The following SNTG2 variants were observed in gnomAD, a reference collection of about 807,000 sequenced individuals.
SNTG2 encodes the protein syntrophin gamma 2, also known as gamma-2-syntrophin.
Under a neutral mutation model 70.9 loss-of-function variants are expected in SNTG2, and 74 were observed. That is an observed-to-expected ratio of 1.04 (90% CI 0.86 to 1.27). The LOEUF (loss-of-function observed/expected upper bound fraction) is 1.27. Ranked by LOEUF, SNTG2 falls within the 50% of genes most tolerant of loss-of-function variation. The pLI, the probability that SNTG2 is intolerant of heterozygous loss-of-function variation, is 0.00. For synonymous variants in SNTG2, 278 were observed against 273.8 expected (o/e 1.02, Z -0.15); for missense variants, 717 against 690.7 (o/e 1.04, Z -0.43).
intron 15 of SNTG2, among the ~76,000 whole-genome samples, 199 bp downstream of exon 15, chr2:1,308,785 C>T (rs1351984861): frequency 6.6e-6 from 1 of 152,054 alleles, no homozygotes; most frequent in East Asian, 1.9e-4. Flanking sequence ...GGGTGTCTGG[C>T]CAATAGGATT....
intron 6 of SNTG2, among the ~76,000 whole-genome samples, chr2:1,148,314 T>C (rs28380583): frequency 0.94 from 142,494 of 152,136 alleles, 66,856 homozygotes; most frequent in Non-Finnish European, 0.97. Flanking sequence ...TCCTTATTTC[T>C]CACATGGAGA....
rs11433187 is a variant in SNTG2 at position 968,030 on chromosome 2, T to TAAA, written c.72+16972_72+16974dup. 4.8e-5 allele frequency among the ~76,000 whole-genome samples: 7 copies of TAAA among 145,512 alleles called. 1 individual carries two copies. In the South Asian group the frequency reaches 8.7e-4, roughly 18 times the overall value. ...ACAGAGCGAGACTCTGTCTCAAAAT[T>TAAA]AAAAAAAAAAAAGTGTCTTTTTATA... On this transcript the variant is annotated intron_variant, in intron 1 of 16. Coordinates refer to ENST00000308624, the MANE Select transcript of SNTG2 (RefSeq NM_018968.4).
At chr2:1,358,510 C>T (rs555827442) in intron 16 of SNTG2, among the ~76,000 whole-genome samples, 2 of 152,098 alleles carry the variant, frequency 1.3e-5, no homozygotes, top group African/African-American at 4.8e-5. Flanking sequence ...CCTCTTGGCA[C>T]TGTTTTTGCT....
At chr2:1,319,963 G>A (rs1194944125) in intron 16 of SNTG2, among the ~76,000 whole-genome samples, 19 of 152,206 alleles carry the variant, frequency 1.2e-4, no homozygotes, top group Admixed American at 1.2e-3. Flanking sequence ...GTTGTCTTAA[G>A]AAATAGGAAC....
intron 4 of SNTG2, among the ~76,000 whole-genome samples, chr2:1,114,172 C>T (rs940664582): frequency 1.4e-5 from 2 of 138,362 alleles, no homozygotes; most frequent in South Asian, 4.7e-4. Flanking sequence ...TGAGGAGGAT[C>T]GTGTGTAACT....
intron 1 of SNTG2, among the ~76,000 whole-genome samples, chr2:1,005,418 C>T (rs975587775): frequency 5.9e-5 from 9 of 151,744 alleles, no homozygotes; most frequent in African/African-American, 1.5e-4. Flanking sequence ...CATGTGGGGG[C>T]GGTGGGGGTA....
At chr2:1,355,594 A>T (rs965804928) in intron 16 of SNTG2, among the ~76,000 whole-genome samples, 4 of 152,096 alleles carry the variant, frequency 2.6e-5, no homozygotes, top group Middle Eastern at 6.3e-3. Context: ...CTGTTGACTG[A>T]TGTTTAGGCT....
chr2:967,956 C>T (rs751095999), intron 1 of SNTG2, among the ~76,000 whole-genome samples: 31 of 151,718 alleles, frequency 2.0e-4, no homozygotes, highest in African/African-American at 4.8e-4. Flanking sequence ...ACCCAGGAGA[C>T]GGAGGTTGCT....
intron 12 of SNTG2, among the ~76,000 whole-genome samples, chr2:1,251,542 T>C (rs879414692): frequency 1.9e-4 from 23 of 119,396 alleles, no homozygotes; most frequent in Non-Finnish European, 3.0e-4. Context: ...ACACATAACA[T>C]ATGCACACAC....
chr2:1,294,286 G>C (rs1192668983), intron 14 of SNTG2, among the ~76,000 whole-genome samples: 2 of 151,976 alleles, frequency 1.3e-5, no homozygotes, highest in African/African-American at 4.8e-5. Flanking sequence ...CAACCCTCAG[G>C]TCCCATTAGG....
chr2:1,128,860 G>A (rs28665892), intron 4 of SNTG2, among the ~76,000 whole-genome samples: 18,052 of 152,054 alleles, frequency 0.12, 1,112 homozygotes, highest in Admixed American at 0.15. Flanking sequence ...GCCACTTAAT[G>A]TGACTTTCTG....
chr2:1,229,722 T>C lies in SNTG2; in HGVS notation c.720-8166T>C, dbSNP rs182410523. 2.5e-3 allele frequency among the ~76,000 whole-genome samples: 382 copies of C among 152,306 alleles called. 5 individuals are homozygous for C. The highest frequency in any genetic ancestry group is 8.5e-3 in the African/African-American group (352 of 41,584). ...GGTGGGAGGCTCAGGCGTGGCGGGCTGCAGGTCCTAAGTCCTGCCCCGCCG... is the reference window on the plus strand; with the variant it reads ...GGTGGGAGGCTCAGGCGTGGCGGGCCGCAGGTCCTAAGTCCTGCCCCGCCG... On this transcript the variant is annotated intron_variant, in intron 9 of 16. Coordinates refer to ENST00000308624, the MANE Select transcript of SNTG2 (RefSeq NM_018968.4).
intron 16 of SNTG2, among the ~76,000 whole-genome samples, chr2:1,365,214 C>T (rs747166192): frequency 7.9e-5 from 12 of 152,144 alleles, no homozygotes; most frequent in Non-Finnish European, 1.2e-4. Flanking sequence ...TGGGCAGGCC[C>T]TGGGTTCCAC....
intron 1 of SNTG2, among the ~76,000 whole-genome samples, chr2:986,294 C>G (rs1028633900): frequency 6.6e-6 from 1 of 152,194 alleles, no homozygotes; most frequent in Non-Finnish European, 1.5e-5. Context: ...CTCACACGCT[C>G]TACCAGGGTT....
At chr2:1,143,732 G>C (rs1668905923) in intron 6 of SNTG2, among the ~76,000 whole-genome samples, 1 of 150,772 alleles carries the variant, frequency 6.6e-6, no homozygotes. Flanking sequence ...CATTAGCTGG[G>C]AATGGTGGCG....
chr2:1,222,129 C>CTCTCTGTCTCTGTCTCTG, intron 9 of SNTG2, among the ~76,000 whole-genome samples: 1 of 97,950 alleles, frequency 1.0e-5, no homozygotes, highest in African/African-American at 3.8e-5. Context: ...CTCTCTGTCT[C>CTCTCTGTCTCTGTCTCTG]TCTCTGTCTC....
chr2:1,195,890 A>G (rs1358404984), intron 8 of SNTG2, among the ~76,000 whole-genome samples: 2 of 150,662 alleles, frequency 1.3e-5, no homozygotes, highest in African/African-American at 2.5e-5. Flanking sequence ...ATCTTTATTG[A>G]TCAGGAAAAA....
intron 16 of SNTG2, among the ~76,000 whole-genome samples, chr2:1,332,931 C>T (rs9973319): frequency 0.51 from 76,823 of 151,952 alleles, 19,691 homozygotes; most frequent in Middle Eastern, 0.65. Context: ...CTTCTATTCA[C>T]CATAGTACTG....
intron 2 of SNTG2, among the ~76,000 whole-genome samples, chr2:1,091,291 C>T (rs115324376): frequency 4.6e-5 from 7 of 152,250 alleles, no homozygotes; most frequent in Non-Finnish European, 7.4e-5. Context: ...AGCTGCCAGC[C>T]CCAGGTCCCT....
Sources: allele counts gnomAD v4.1 joint callset (sites outside exome capture counted in the v4.1 genomes callset), GRCh38; gene constraint gnomAD v4.1.1; transcripts MANE v1.5; gene names NCBI Gene and HGNC (gene_info 2026-07-23, HGNC 2026-07-21).